Variants in C8orf34 observed in about 807,000 individuals in gnomAD.
C8orf34 encodes the protein uncharacterized protein C8orf34.
A neutral mutation model predicts 68.3 loss-of-function variants in C8orf34; 65 were observed. The observed-to-expected ratio is 0.95, with a 90% CI of 0.78 to 1.17. C8orf34 has a LOEUF of 1.17. C8orf34 is among the 50% of genes most tolerant of loss of function. The probability of loss-of-function intolerance (pLI) is 0.00; values close to 1 mark genes in which losing one functional copy is unlikely to be tolerated. For missense variants in C8orf34, 664 were observed against 655.4 expected, an observed-to-expected ratio of 1.01 and a Z score of -0.14; for synonymous variants, 244 against 241.2, an observed-to-expected ratio of 1.01 and a Z score of -0.11.
At chr8:68,392,655 A>G (rs942537888) in intron 1 of C8orf34, among the ~76,000 whole-genome samples, 6 of 152,112 alleles carry the variant, frequency 3.9e-5, no homozygotes, top group Non-Finnish European at 8.8e-5. Flanking sequence ...AATATTAATA[A>G]AAGAATATTC....
intron 7 of C8orf34, among the ~76,000 whole-genome samples, chr8:68,596,955 A>G (rs1655008918): frequency 6.6e-6 from 1 of 152,222 alleles, no homozygotes; most frequent in Admixed American, 6.5e-5. Flanking sequence ...CTCAAAGTAT[A>G]TATAGTATGG....
chr8:68,509,492 A>G (rs1383768554), intron 5 of C8orf34, among the ~76,000 whole-genome samples: 1 of 152,058 alleles, frequency 6.6e-6, no homozygotes, highest in Non-Finnish European at 1.5e-5. Flanking sequence ...TCCTAAGCCA[A>G]CCAATTTAAG....
intron 7 of C8orf34, among the ~76,000 whole-genome samples, chr8:68,579,952 C>T (rs1214000009): frequency 6.6e-6 from 1 of 152,034 alleles, no homozygotes; most frequent in African/African-American, 2.4e-5. Flanking sequence ...TTCATTATAC[C>T]TTATCTAAGC....
intron 12 of C8orf34, among the ~76,000 whole-genome samples, chr8:68,815,553 C>T (rs1193999078): frequency 1.3e-5 from 2 of 152,138 alleles, no homozygotes; most frequent in African/African-American, 2.4e-5. Flanking sequence ...CCTAATCCAC[C>T]TTGGGCATCA....
intron 1 of C8orf34, among the ~76,000 whole-genome samples, chr8:68,392,280 C>A (rs1307284218): frequency 5.3e-5 from 8 of 151,804 alleles, no homozygotes; most frequent in Non-Finnish European, 1.0e-4. Context: ...TAGAGAAAAT[C>A]ATCCAAATGC....
intron 9 of C8orf34, among the ~76,000 whole-genome samples, chr8:68,719,008 A>C (rs1821554709): frequency 6.6e-6 from 1 of 152,140 alleles, no homozygotes; most frequent in South Asian, 2.1e-4. Flanking sequence ...TTACATTTGA[A>C]AATCATATAT....
chr8:68,618,542 G>C (rs760067961), intron 7 of C8orf34, among the ~76,000 whole-genome samples: 2 of 151,926 alleles, frequency 1.3e-5, no homozygotes, highest in Non-Finnish European at 2.9e-5. Context: ...TAGAGACAGG[G>C]CCTCTCTATT....
chr8:68,332,402 C>T (rs1805663190), intron 1 of C8orf34, among the ~76,000 whole-genome samples: 2 of 64,128 alleles, frequency 3.1e-5, no homozygotes, highest in South Asian at 4.6e-4. Context: ...CCCACGTCTC[C>T]CAGAAGCAGT....
intron 5 of C8orf34, among the ~76,000 whole-genome samples, chr8:68,514,268 A>C (rs1814409354): frequency 6.6e-6 from 1 of 152,098 alleles, no homozygotes; most frequent in South Asian, 2.1e-4. Context: ...TCCCTGCTGC[A>C]AATGTTGTGA....
chr8:68,704,313 G>A (rs1017504636), intron 8 of C8orf34, among the ~76,000 whole-genome samples: 5 of 152,100 alleles, frequency 3.3e-5, no homozygotes, highest in African/African-American at 1.2e-4. Flanking sequence ...ATAGTAAAAT[G>A]CAGAGGGATG....
intron 7 of C8orf34, among the ~76,000 whole-genome samples, chr8:68,609,094 A>G (rs2130549360): frequency 6.6e-6 from 1 of 152,284 alleles, no homozygotes; most frequent in East Asian, 1.9e-4. Flanking sequence ...GGATTGCTTG[A>G]GCCCAGGAGT....
intron 5 of C8orf34, among the ~76,000 whole-genome samples, chr8:68,516,500 G>A (rs1454920159): frequency 1.3e-5 from 2 of 152,152 alleles, no homozygotes; most frequent in African/African-American, 4.8e-5. Flanking sequence ...ACCACTGAAA[G>A]CAGACTTCTT....
At chr8:68,734,191 G>A (rs887366386) in intron 10 of C8orf34, among the ~76,000 whole-genome samples, 1 of 152,128 alleles carries the variant, frequency 6.6e-6, no homozygotes. Context: ...AGAACTAGTA[G>A]ACATCTGTAC....
At chr8:68,530,730 TTAAG>T in intron 6 of C8orf34, 1 of 592,664 alleles carries the variant, frequency 1.7e-6, no homozygotes, top group South Asian at 4.5e-5. Flanking sequence ...ATGATTTTCT[TTAAG>T]TATTTGGAAT....
intron 7 of C8orf34, among the ~76,000 whole-genome samples, chr8:68,628,410 A>G (rs1818598445): frequency 6.6e-6 from 1 of 152,148 alleles, no homozygotes; most frequent in Non-Finnish European, 1.5e-5. Flanking sequence ...AACAAAGTGA[A>G]TTATGTTTCG....
At chr8:68,439,421 A>C in intron 1 of C8orf34, 78 bp from the exon 2 acceptor site, 1 of 1,393,414 alleles carries the variant, frequency 7.2e-7, no homozygotes, top group Middle Eastern at 1.8e-4. Context: ...ACCTGACAAT[A>C]TTACATGCTA....
chr8:68,776,179 A>G (rs919494175), intron 10 of C8orf34, among the ~76,000 whole-genome samples: 1 of 152,254 alleles, frequency 6.6e-6, no homozygotes, highest in Non-Finnish European at 1.5e-5. Context: ...ATATATTTTA[A>G]AAATCCACTT....
chr8:68,459,520 C>A (rs565097933), intron 3 of C8orf34, among the ~76,000 whole-genome samples: 1 of 152,020 alleles, frequency 6.6e-6, no homozygotes, highest in Non-Finnish European at 1.5e-5. Context: ...CGTGAGCCAC[C>A]GTGCCCGGCT....
intron 9 of C8orf34, among the ~76,000 whole-genome samples, chr8:68,717,352 C>T (rs1012456144): frequency 1.3e-5 from 2 of 151,960 alleles, no homozygotes; most frequent in Non-Finnish European, 2.9e-5. Flanking sequence ...CGGGTTCGAC[C>T]TGCGGTGGCA....
Sources: allele counts gnomAD v4.1 joint callset (sites outside exome capture counted in the v4.1 genomes callset), GRCh38; gene constraint gnomAD v4.1.1; transcripts MANE v1.5; gene names NCBI Gene and HGNC (gene_info 2026-07-23, HGNC 2026-07-21).